Variants in LRP1B observed in about 807,000 individuals in gnomAD.
LRP1B encodes LDL receptor related protein 1B.
Under a neutral mutation model 556.6 loss-of-function variants are expected in LRP1B, and 217 were observed. The ratio of observed to expected loss-of-function variants is 0.39; its 90% CI spans 0.35 to 0.44. The LOEUF is 0.44. Among genes scored for constraint, LRP1B ranks in the 20% least tolerant of loss-of-function variants. The probability of loss-of-function intolerance (pLI) is 1.00; values close to 1 mark genes in which losing one functional copy is unlikely to be tolerated. For synonymous variants in LRP1B, 2,047 were observed against 1,865.8 expected (o/e 1.10, Z -2.50); for missense variants, 5,053 against 5,620.8 (o/e 0.90, Z 3.23).
At chr2:141,413,815 C>T (rs1690952904) in intron 3 of LRP1B, among the ~76,000 whole-genome samples, 1 of 151,592 alleles carries the variant, frequency 6.6e-6, no homozygotes, top group South Asian at 2.1e-4. Flanking sequence ...GAGGTTGAGG[C>T]TGCAGTGAGC....
chr2:141,119,577 T>C (rs1700992116), intron 7 of LRP1B, among the ~76,000 whole-genome samples: 1 of 152,032 alleles, frequency 6.6e-6, no homozygotes, highest in African/African-American at 2.4e-5. Context: ...GTCTCAAGAT[T>C]ACTGGATCAA....
intron 84 of LRP1B, among the ~76,000 whole-genome samples, chr2:140,295,592 A>G (rs1323899974): frequency 6.6e-6 from 1 of 152,198 alleles, no homozygotes; most frequent in Non-Finnish European, 1.5e-5. Context: ...TGAGCCCTGA[A>G]GCTAAATTGG....
chr2:141,641,599 A>G (rs1689337950), intron 2 of LRP1B, among the ~76,000 whole-genome samples: 1 of 152,178 alleles, frequency 6.6e-6, no homozygotes, highest in Non-Finnish European at 1.5e-5. Flanking sequence ...AGCAACCAAT[A>G]GCAGTTAACT....
chr2:141,276,612 G>A (rs1336498167), intron 3 of LRP1B, among the ~76,000 whole-genome samples: 1 of 150,918 alleles, frequency 6.6e-6, no homozygotes, highest in Non-Finnish European at 1.5e-5. Context: ...CCATGTTGAT[G>A]CAAAGGATAT....
intron 41 of LRP1B, among the ~76,000 whole-genome samples, chr2:140,614,462 G>T (rs552441776): frequency 6.6e-6 from 1 of 151,974 alleles, no homozygotes; most frequent in African/African-American, 2.4e-5. Flanking sequence ...GTCACTTAAA[G>T]GAAGAGTTGA....
chr2:140,920,360 A>T (rs1177348307), intron 21 of LRP1B, among the ~76,000 whole-genome samples: 1 of 152,040 alleles, frequency 6.6e-6, no homozygotes, highest in East Asian at 1.9e-4. Context: ...CGTTTTGAAC[A>T]CCAATAGATG....
chr2:140,526,486 C>G (rs936961054), intron 47 of LRP1B, 136 bp from the exon 48 acceptor site: 2 of 594,078 alleles, frequency 3.4e-6, no homozygotes, highest in Non-Finnish European at 6.0e-6. Context: ...AAACTTGACC[C>G]CTGAACCCCA....
chr2:140,627,484 C>G (rs1683706387), intron 41 of LRP1B, among the ~76,000 whole-genome samples: 2 of 152,282 alleles, frequency 1.3e-5, no homozygotes, highest in South Asian at 4.1e-4. Flanking sequence ...TGGACCTACA[C>G]CAGTGGTTTG....
intron 32 of LRP1B, among the ~76,000 whole-genome samples, chr2:140,809,256 T>A (rs545960106): frequency 4.9e-4 from 74 of 152,144 alleles, no homozygotes; most frequent in African/African-American, 1.0e-3. Flanking sequence ...TAAAAAAAAA[T>A]TTTAAAAAAG....
intron 25 of LRP1B, among the ~76,000 whole-genome samples, chr2:140,868,466 T>C (rs1030095463): frequency 2.6e-5 from 4 of 151,966 alleles, no homozygotes; most frequent in Admixed American, 6.6e-5. Context: ...TTATGACTCA[T>C]AAAATATTTT....
At chr2:140,267,193 T>C (rs544490288) in intron 86 of LRP1B, among the ~76,000 whole-genome samples, 5 of 152,202 alleles carry the variant, frequency 3.3e-5, no homozygotes, top group Middle Eastern at 3.4e-3. Context: ...TATTAATTAA[T>C]TGTCTTCAAA....
chr2:141,253,942 A>G (rs916235836), intron 4 of LRP1B, among the ~76,000 whole-genome samples: 1 of 152,116 alleles, frequency 6.6e-6, no homozygotes, highest in Non-Finnish European at 1.5e-5. Flanking sequence ...TATATGTATA[A>G]TTGGAATCAA....
intron 43 of LRP1B, among the ~76,000 whole-genome samples, chr2:140,584,056 CT>C (rs992722363): frequency 6.6e-6 from 1 of 151,846 alleles, no homozygotes; most frequent in Non-Finnish European, 1.5e-5. Flanking sequence ...TAGTTTTAAT[CT>C]TTTTTATCAT....
chr2:140,950,202 A>G (rs1038542770), intron 20 of LRP1B, 33 bp downstream of exon 20: 1 of 1,458,622 alleles, frequency 6.9e-7, no homozygotes, highest in Non-Finnish European at 9.2e-7. Context: ...CAACTTTTAA[A>G]ATGAGATTTC....
chr2:142,113,471 A>G lies in LRP1B; in HGVS notation c.82+17177T>C, dbSNP rs1019831962. Among the ~76,000 whole-genome samples, 4 of 132,692 alleles carry G rather than the reference A, an allele frequency of 3.0e-5. No individual in the cohort carries two copies. The Admixed American group carries it at 3.3e-4, about 11-fold the overall frequency. 87.1% of individuals were successfully genotyped at this position (132,692 alleles called of 152,430 possible). A position where few individuals can be genotyped will look rare whatever the true frequency, so the allele number is the denominator to read the frequency against. ...GTTTTTAGAGAATGAGGTTAGGAGT[A>G]ACCTTTACAGTTGCCACAAAAAAAA... On this transcript the variant is annotated intron_variant, in intron 1 of 90. Coordinates refer to ENST00000389484, the MANE Select transcript of LRP1B (RefSeq NM_018557.3).
intron 23 of LRP1B, among the ~76,000 whole-genome samples, chr2:140,896,394 A>C (rs1333362413): frequency 6.6e-6 from 1 of 152,300 alleles, no homozygotes; most frequent in East Asian, 1.9e-4. Context: ...GATTGTAAAG[A>C]ATCAGAGAAG....
chr2:140,414,736 T>C (rs965855971), intron 66 of LRP1B, among the ~76,000 whole-genome samples: 2 of 152,188 alleles, frequency 1.3e-5, no homozygotes, highest in Admixed American at 1.3e-4. Context: ...CTGTGATAAT[T>C]GTGTTAACTG....
At chr2:141,570,792 G>A (rs187028181) in intron 2 of LRP1B, among the ~76,000 whole-genome samples, 6 of 151,486 alleles carry the variant, frequency 4.0e-5, no homozygotes, top group African/African-American at 1.4e-4. Context: ...GTAATCTGCA[G>A]CCAGAGTGCC....
intron 2 of LRP1B, among the ~76,000 whole-genome samples, chr2:141,543,208 A>T (rs1183677659): frequency 6.6e-6 from 1 of 152,048 alleles, no homozygotes; most frequent in African/African-American, 2.4e-5. Flanking sequence ...ACCCTCTTGA[A>T]CATTTAAATA....
Sources: gnomAD v4.1 joint callset for allele counts (sites outside exome capture counted in the v4.1 genomes callset) on GRCh38, gnomAD v4.1.1 for gene constraint, MANE v1.5 for transcripts, NCBI Gene and HGNC (gene_info 2026-07-23, HGNC 2026-07-21) for gene names.